The following NDUFAF5 variants were observed in gnomAD, a reference collection of about 807,000 sequenced individuals.
NDUFAF5 encodes NADH:ubiquinone oxidoreductase complex assembly factor 5, also known as arginine-hydroxylase NDUFAF5, mitochondrial.
NDUFAF5 carries 34 observed loss-of-function variants against 48.9 expected under a neutral mutation model. The observed-to-expected ratio is 0.70, with a 90% CI of 0.53 to 0.93. NDUFAF5 has a LOEUF of 0.93. Ranked by LOEUF, NDUFAF5 falls within the 40% of genes least tolerant of loss-of-function variation. NDUFAF5 has a pLI of 0.00. For missense variants in NDUFAF5, 428 were observed against 427.5 expected, an observed-to-expected ratio of 1.00 and a Z score of -0.01; for synonymous variants, 153 against 150.6, an observed-to-expected ratio of 1.02 and a Z score of -0.12.
Position 13,816,952 on chromosome 20 carries a change from T to C in NDUFAF5, c.940T>C (p.Ser314Pro), listed in dbSNP as rs1461850666. 3 of 1,604,228 alleles carry C rather than the reference T, an allele frequency of 1.9e-6. No individual in the cohort carries two copies. The highest frequency in any genetic ancestry group is 2.6e-6 in the Non-Finnish European group (3 of 1,171,142). The change falls in exon 10 of 11, where the codon TCA becomes CCA. Residue 314 changes from serine (S) to proline (P), a missense_variant. Transcript: ENST00000378106. ...CATGATAGGATGGAAATATCATGAG[T>C]CACAGGTAACGTTACTAAGATGGAT... ...YYMIGWKYHE[S>P]QARPAERGSA...
intron 1 of NDUFAF5, among the ~76,000 whole-genome samples, chr20:13,786,694 C>T (rs983482574): frequency 7.9e-5 from 12 of 152,258 alleles, no homozygotes; most frequent in Admixed American, 4.6e-4. Flanking sequence ...GAATACTAGA[C>T]TCCCACGTCT....
chr20:13,816,288 T>G, intron 8 of NDUFAF5, 175 bp from the exon 9 acceptor site: 1 of 676,432 alleles, frequency 1.5e-6, no homozygotes, highest in South Asian at 1.6e-5. Context: ...TAGTTTCGCT[T>G]TAGAGTCACT....
chr20:13,819,270 CTT>C lies in NDUFAF5; in HGVS notation c.*2063_*2064del, dbSNP rs890886990. On this transcript the variant is annotated 3_prime_UTR_variant, in exon 11 of 11. Coordinates refer to ENST00000378106, the MANE Select transcript of NDUFAF5 (RefSeq NM_024120.5). Reference sequence around the variant, plus strand: ...GAGCTCATCCTTTTAAGCAATGAAACTTTTAAAAGGTCTTTATCAAAAATTTT... The same window carrying C: ...GAGCTCATCCTTTTAAGCAATGAAACTTAAAAGGTCTTTATCAAAAATTTT... 2.0e-5 allele frequency: 3 copies of C among 152,156 alleles called. No homozygotes were observed. Among genetic ancestry groups the C allele is most frequent in the Non-Finnish European group, 4.4e-5 (3 of 68,020 alleles). The allele number at this position is 152,156 out of a possible 1,614,324, so 9.4% of individuals were successfully genotyped here.
At chr20:13,809,166 A>G (rs1414250778) in intron 8 of NDUFAF5, among the ~76,000 whole-genome samples, 2 of 152,226 alleles carry the variant, frequency 1.3e-5, no homozygotes, top group Admixed American at 6.5e-5. Context: ...GTAGAGGCAT[A>G]TAGTGCTACG....
At chr20:13,790,006 A>G (rs1199368841) in intron 3 of NDUFAF5, among the ~76,000 whole-genome samples, 1 of 152,182 alleles carries the variant, frequency 6.6e-6, no homozygotes, top group East Asian at 1.9e-4. Flanking sequence ...GGGATTTGAA[A>G]GAATTTGAGT....
intron 7 of NDUFAF5, among the ~76,000 whole-genome samples, chr20:13,806,090 G>A (rs1278805338): frequency 6.6e-6 from 1 of 152,158 alleles, no homozygotes; most frequent in African/African-American, 2.4e-5. Flanking sequence ...AGTCAGATTA[G>A]TATCATATAG....
At chr20:13,812,244 A>G (rs539743693) in intron 8 of NDUFAF5, among the ~76,000 whole-genome samples, 2 of 152,336 alleles carry the variant, frequency 1.3e-5, no homozygotes, top group East Asian at 3.9e-4. Flanking sequence ...AAAGATGCGT[A>G]GCTGAAATCT....
intron 8 of NDUFAF5, chr20:13,809,151 A>G: frequency 1.8e-6 from 1 of 541,490 alleles, no homozygotes; most frequent in Non-Finnish European, 3.3e-6. Context: ...GGTCAGTGCT[A>G]TGAAGTAGAG....
chr20:13,807,973 C>T (rs1443412121), intron 7 of NDUFAF5, among the ~76,000 whole-genome samples: 1 of 151,782 alleles, frequency 6.6e-6, no homozygotes, highest in Non-Finnish European at 1.5e-5. Context: ...TTATTTTAGG[C>T]TAGTTTCCAA....
intron 8 of NDUFAF5, among the ~76,000 whole-genome samples, chr20:13,813,856 A>G (rs1986155287): frequency 6.6e-6 from 1 of 152,174 alleles, no homozygotes; most frequent in African/African-American, 2.4e-5. Context: ...CCTTGAGTAT[A>G]TAGAACGGGG....
chr20:13,793,749 C>T (rs1982724387), intron 4 of NDUFAF5, among the ~76,000 whole-genome samples: 1 of 152,074 alleles, frequency 6.6e-6, no homozygotes, highest in African/African-American at 2.4e-5. Context: ...GGTATAAATT[C>T]CTGGTAGCGG....
chr20:13,812,432 G>A (rs1985991093), intron 8 of NDUFAF5, among the ~76,000 whole-genome samples: 1 of 152,150 alleles, frequency 6.6e-6, no homozygotes. Flanking sequence ...ATGATGGTGG[G>A]CTGATGATAT....
intron 5 of NDUFAF5, among the ~76,000 whole-genome samples, chr20:13,796,594 T>C (rs1039080652): frequency 5.9e-5 from 9 of 152,202 alleles, no homozygotes; most frequent in African/African-American, 1.2e-4. Flanking sequence ...GAGGCAGTTA[T>C]ACCAGAAAAG....
chr20:13,789,927 T>G (rs1230283501), intron 3 of NDUFAF5, among the ~76,000 whole-genome samples: 3 of 151,982 alleles, frequency 2.0e-5, no homozygotes, highest in Non-Finnish European at 4.4e-5. Flanking sequence ...CAACAGGAAT[T>G]AGGGGAAAAG....
chr20:13,810,634 A>C (rs1232203749), intron 8 of NDUFAF5, among the ~76,000 whole-genome samples: 1 of 151,794 alleles, frequency 6.6e-6, no homozygotes, highest in Non-Finnish European at 1.5e-5. Context: ...CTAAGACTTG[A>C]ATTTATTTAA....
rs889631498 is a variant in NDUFAF5, at chr20:13,820,348, A to G, written c.*3138A>G. The G allele has an allele frequency of 2.6e-5, 4 of 152,110 alleles. No individual in the cohort carries two copies. The East Asian group carries it at 5.8e-4, about 22-fold the overall frequency. The allele number at this position is 152,110 out of a possible 1,614,324, so 9.4% of individuals were successfully genotyped here. ...TATTTTTTCAAACTCTTTTAGTACC[A>G]TTTTCATCCACTAGGTGGAAGCAAT... is the stretch of plus-strand genomic sequence containing the variant. On this transcript the variant is annotated 3_prime_UTR_variant, in exon 11 of 11. Coordinates refer to ENST00000378106, the MANE Select transcript of NDUFAF5 (RefSeq NM_024120.5).
Position 13,816,859 on chromosome 20 carries a change from A to G in NDUFAF5, c.863-16A>G, listed in dbSNP as rs763764350. ...ACTTGCATTTTTTCAGACTTTAACC[A>G]TTATTGTCTTTTTAGAAATGTACAG... On this transcript the variant is annotated splice_polypyrimidine_tract_variant and intron_variant, in intron 9 of 10. Coordinates refer to ENST00000378106, the MANE Select transcript of NDUFAF5 (RefSeq NM_024120.5). 373 of 1,572,368 alleles carry G rather than the reference A, an allele frequency of 2.4e-4. No homozygotes were observed. The highest frequency in any genetic ancestry group is 3.0e-4 in the Non-Finnish European group (347 of 1,142,360).
At chr20:13,801,802 T>C in intron 7 of NDUFAF5, 119 bp downstream of exon 7, 1 of 835,682 alleles carries the variant, frequency 1.2e-6, no homozygotes, top group Non-Finnish European at 1.9e-6. Context: ...TCTCCCTTTT[T>C]TTTTCTCTTT....
At chr20:13,801,363 ATTAT>A (rs1177290083) in intron 6 of NDUFAF5, 119 bp from the exon 7 acceptor site, 1 of 565,524 alleles carries the variant, frequency 1.8e-6, no homozygotes, top group African/African-American at 1.9e-5. Context: ...AAATTATGTG[ATTAT>A]TAATTTGGCA....
Sources: gnomAD v4.1 joint callset for allele counts (sites outside exome capture counted in the v4.1 genomes callset) on GRCh38, gnomAD v4.1.1 for gene constraint, MANE v1.5 for transcripts, NCBI Gene and HGNC (gene_info 2026-07-23, HGNC 2026-07-21) for gene names.